PAQR7: variants seen among roughly 807,000 people sequenced by gnomAD.
The protein encoded by PAQR7 is progestin and adipoQ receptor family member 7.
Under a neutral mutation model 24.6 loss-of-function variants are expected in PAQR7, and 14 were observed. That is an observed-to-expected ratio of 0.57 (90% confidence interval 0.38 to 0.89). PAQR7 has a LOEUF of 0.89. Ranked by LOEUF, PAQR7 falls within the 40% of genes least tolerant of loss-of-function variation. The pLI is 0.00. For missense variants in PAQR7, 351 were observed against 444.0 expected, an observed-to-expected ratio of 0.79 and a Z score of 1.88; for synonymous variants, 189 against 198.8, an observed-to-expected ratio of 0.95 and a Z score of 0.42.
At chr1:25,871,779 T>C (rs11247822) in intron 1 of PAQR7, among the ~76,000 whole-genome samples, 4,225 of 152,326 alleles carry the variant, frequency 0.028, 193 homozygotes, top group African/African-American at 0.096. Flanking sequence ...TTTCACTCAG[T>C]GCTTATACTA....
chr1:25,863,941 A>T lies in PAQR7; in HGVS notation c.-22-80T>A. 1 of 1,049,194 alleles carries T rather than the reference A, an allele frequency of 9.5e-7. No homozygotes were observed. The highest frequency in any genetic ancestry group is 1.6e-5 in the South Asian group (1 of 63,126). 65.0% of individuals were successfully genotyped at this position (1,049,194 alleles called of 1,614,324 possible). A position where few individuals can be genotyped will look rare whatever the true frequency, so the allele number is the denominator to read the frequency against. The stretch of plus-strand genomic sequence containing the variant: ...AGCAGCTGGGGGGCTCTGATGCCCA[A>T]ATCCTACTCCCTCCTCTCCGACAGC... On this transcript the variant is annotated intron_variant, in intron 2 of 2. Coordinates refer to ENST00000675840, the MANE Select transcript of PAQR7 (RefSeq NM_178422.6). The surrounding 1 kb of genome is among the most constrained non-coding windows in gnomAD (Gnocchi z 6.1).
At chr1:25,871,627 C>G (rs1252631939) in intron 1 of PAQR7, among the ~76,000 whole-genome samples, 1 of 152,046 alleles carries the variant, frequency 6.6e-6, no homozygotes, top group Non-Finnish European at 1.5e-5. Flanking sequence ...CGAAGGCTTG[C>G]AAGCCCCAGC....
Position 25,863,081 on chromosome 1 carries a change from G to A in PAQR7, c.759C>T (p.Ala253=), listed in dbSNP as rs2048524929. The change falls in exon 3 of 3, where the codon GCC becomes GCT. Residue 253 remains alanine (A), a synonymous_variant. Coordinates refer to ENST00000675840, the MANE Select transcript of PAQR7 (RefSeq NM_178422.6). The surrounding 1 kb of genome is among the most constrained non-coding windows in gnomAD (Gnocchi z 6.1). ...CQVVFFLLAA[A]FFSTFMPERW... ...GCTCGGGCATGAAGGTAGAGAAGAA[G>A]GCAGCAGCCAGCAGAAAGAAGACCA... 6.2e-7 allele frequency: 1 copy of A among 1,614,074 alleles called. No individual in the cohort carries two copies. Among genetic ancestry groups the A allele is most frequent in the South Asian group, 1.1e-5 (1 of 91,088 alleles).
rs766610538 is a variant in PAQR7 at position 25,870,651 on chromosome 1, G to A, written c.-65C>T. ...GGCAAAGGCAAAGCCAGGTGACTAG[G>A]GCCTGGTTGATGGTGTCAGGCAAAC... On this transcript the variant is annotated 5_prime_UTR_variant, in exon 2 of 3. Coordinates refer to ENST00000675840, the MANE Select transcript of PAQR7 (RefSeq NM_178422.6). 6.6e-6 allele frequency: 1 copy of A among 152,218 alleles called. No homozygotes were observed. The highest frequency in any genetic ancestry group is 1.5e-5 in the Non-Finnish European group (1 of 68,042). The allele number at this position is 152,218 out of a possible 1,614,324, so 9.4% of individuals were successfully genotyped here.
chr1:25,864,461 G>A (rs1380130210), intron 2 of PAQR7, among the ~76,000 whole-genome samples: 2 of 152,050 alleles, frequency 1.3e-5, no homozygotes, highest in Non-Finnish European at 1.5e-5. Context: ...ACCAACCCCT[G>A]GACTGCTCTT....
Position 25,863,001 on chromosome 1 carries a change from A to G in PAQR7, c.839T>C (p.Ile280Thr). ...AGCCAGCGTGCACAGCACCAAGAAG[A>G]TGTGGAAAAGTTGGTGGCCCTGCCC... ...VFGQGHQLFHIFLVLCTLAQL... is the reference protein window; with the variant it reads ...VFGQGHQLFHTFLVLCTLAQL... Residue 280 changes from isoleucine to threonine, a missense_variant, in exon 3 of 3, where the codon ATC becomes ACC. Ile to Thr is a moderately conservative substitution (Grantham distance 89). Transcript: ENST00000675840. The surrounding 1 kb of genome is among the most constrained non-coding windows in gnomAD (Gnocchi z 6.1). 6.2e-7 allele frequency: 1 copy of G among 1,614,160 alleles called. No homozygotes were observed. The highest frequency in any genetic ancestry group is 8.5e-7 in the Non-Finnish European group (1 of 1,180,040).
chr1:25,864,174 A>G (rs920117621), intron 2 of PAQR7, among the ~76,000 whole-genome samples: 12 of 152,160 alleles, frequency 7.9e-5, no homozygotes, highest in Non-Finnish European at 1.5e-4. Flanking sequence ...GGCTCCACAC[A>G]GCAGCACCAG....
chr1:25,867,488 G>T (rs956078723), intron 2 of PAQR7, among the ~76,000 whole-genome samples: 1 of 152,194 alleles, frequency 6.6e-6, no homozygotes, highest in Non-Finnish European at 1.5e-5. Context: ...TGAAAAACCT[G>T]CCAGACAATC....
rs1418239497 is a variant in PAQR7, at chr1:25,861,519, A to G, written c.*1280T>C. 2 of 152,244 alleles carry G rather than the reference A, an allele frequency of 1.3e-5. No homozygotes were observed. Among genetic ancestry groups the G allele is most frequent in the African/African-American group, 4.8e-5 (2 of 41,406 alleles). The allele number at this position is 152,244 out of a possible 1,614,324, so 9.4% of individuals were successfully genotyped here. The stretch of plus-strand genomic sequence containing the variant: ...CACAGTACTTTATTGCATCCAGGCC[A>G]TAATCCAGACCACCCAGCCCCAACC... On this transcript the variant is annotated 3_prime_UTR_variant, in exon 3 of 3. Coordinates refer to ENST00000675840, the MANE Select transcript of PAQR7 (RefSeq NM_178422.6).
intron 1 of PAQR7, among the ~76,000 whole-genome samples, chr1:25,873,019 C>T (rs1415547296): frequency 6.6e-6 from 1 of 152,146 alleles, no homozygotes; most frequent in African/African-American, 2.4e-5. Flanking sequence ...GAAAGTCTAA[C>T]CCCATTAGAT....
At chr1:25,874,226 GC>G (rs34640535) in intron 1 of PAQR7, among the ~76,000 whole-genome samples, 4,911 of 149,958 alleles carry the variant, frequency 0.033, 270 homozygotes, top group African/African-American at 0.11. Context: ...TGTCCCCCAG[GC>G]TGGAGTACAG....
intron 2 of PAQR7, among the ~76,000 whole-genome samples, chr1:25,866,634 T>A (rs892798032): frequency 6.6e-6 from 1 of 152,200 alleles, no homozygotes; most frequent in Non-Finnish European, 1.5e-5. Flanking sequence ...GTAAGGAAAC[T>A]GAAGTACAGA....
chr1:25,871,623 C>T (rs2124199536), intron 1 of PAQR7, among the ~76,000 whole-genome samples: 1 of 152,214 alleles, frequency 6.6e-6, no homozygotes, highest in Middle Eastern at 3.4e-3. Flanking sequence ...TTAACGAAGG[C>T]TTGCAAGCCC....
At chr1:25,874,380 G>T (rs1409948431) in intron 1 of PAQR7, among the ~76,000 whole-genome samples, 1 of 152,178 alleles carries the variant, frequency 6.6e-6, no homozygotes, top group East Asian at 1.9e-4. Context: ...ATTCTGTGGA[G>T]CTGAGACTTA....
In PAQR7 at chr1:25,861,745, T is replaced by A. The variant is rs1335761658; in HGVS notation, c.*1054A>T. ...CAAAGCCTTTGTCGGCCAGGCGCAG[T>A]GGCTCATGCCGGTAATCCCAGCACT... On this transcript the variant is annotated 3_prime_UTR_variant, in exon 3 of 3. Coordinates refer to ENST00000675840, the MANE Select transcript of PAQR7 (RefSeq NM_178422.6). 6.5e-6 allele frequency: 1 copy of A among 152,728 alleles called. No individual in the cohort carries two copies. The highest frequency in any genetic ancestry group is 2.4e-5 in the African/African-American group (1 of 41,436). The allele number at this position is 152,728 out of a possible 1,614,324, so 9.5% of individuals were successfully genotyped here.
chr1:25,868,447 G>A (rs2048575213), intron 2 of PAQR7, among the ~76,000 whole-genome samples: 1 of 152,192 alleles, frequency 6.6e-6, no homozygotes, highest in Non-Finnish European at 1.5e-5. Flanking sequence ...GATGGCTCAT[G>A]CCTGTAATCC....
At chr1:25,869,487 G>A (rs962793789) in intron 2 of PAQR7, among the ~76,000 whole-genome samples, 24 of 151,310 alleles carry the variant, frequency 1.6e-4, no homozygotes, top group African/African-American at 4.9e-4. Context: ...CAGGAGAATC[G>A]CTTGAGCTCG....
intron 1 of PAQR7, among the ~76,000 whole-genome samples, chr1:25,874,755 T>A (rs956955157): frequency 6.6e-6 from 1 of 152,154 alleles, no homozygotes; most frequent in Non-Finnish European, 1.5e-5. Context: ...TTTCTGAAGG[T>A]CTTCAAAACC....
In PAQR7 at chr1:25,863,648, C is replaced by A. The variant is rs374295612; in HGVS notation, c.192G>T (p.Thr64=). The A allele has an allele frequency of 1.9e-6, 3 of 1,613,948 alleles. No homozygotes were observed. The highest frequency in any genetic ancestry group is 3.3e-5 in the Admixed American group (2 of 60,004). The part of the protein sequence containing the change: ...LHQTWRFYFR[T]LFQQHNEAVN... ...CGGCCTCGTTGTGCTGCTGGAACAG[C>A]GTGCGGAAATAGAAGCGCCAGGTCT... Residue 64 remains threonine, a synonymous_variant, in exon 3 of 3, where the codon ACG becomes ACT. Transcript: ENST00000675840. This position sits in a 1 kb window ranked among gnomAD's most constrained non-coding sequence, Gnocchi z 6.1.
Sources: allele counts gnomAD v4.1 joint callset (sites outside exome capture counted in the v4.1 genomes callset), GRCh38; gene constraint gnomAD v4.1.1; non-coding constraint Gnocchi (gnomAD v3.1); transcripts MANE v1.5; gene names NCBI Gene and HGNC (gene_info 2026-07-23, HGNC 2026-07-21).